Variants in ANKRD11 observed in about 807,000 individuals in gnomAD.
ANKRD11 encodes the protein ankyrin repeat domain-containing protein 11.
A neutral mutation model predicts 195.7 loss-of-function variants in ANKRD11; 17 were observed. The observed-to-expected ratio is 0.09, with a 90% confidence interval of 0.06 to 0.13. The LOEUF (loss-of-function observed/expected upper bound fraction) is 0.13. Among genes scored for constraint, ANKRD11 ranks in the 10% least tolerant of loss-of-function variants. ANKRD11 has a pLI of 1.00. For synonymous variants in ANKRD11, 1,953 were observed against 1,528.1 expected, an observed-to-expected ratio of 1.28 and a Z score of -6.49; for missense variants, 3,735 against 3,566.1, an observed-to-expected ratio of 1.05 and a Z score of -1.21.
At chr16:89,488,449 CCT>C (rs1491501539) in intron 1 of ANKRD11, among the ~76,000 whole-genome samples, 8 of 151,732 alleles carry the variant, frequency 5.3e-5, no homozygotes, top group Middle Eastern at 3.4e-3. Context: ...CGCCCCCCCC[CCT>C]TTTTTTCTAG....
Position 89,291,402 on chromosome 16 carries a change from G to A in ANKRD11, c.227-219C>T, listed in dbSNP as rs182355528. On this transcript the variant is annotated intron_variant, in intron 4 of 12. Transcript: ENST00000301030. This position sits in a 1 kb window ranked among gnomAD's most constrained non-coding sequence, Gnocchi z 5.3. Reference sequence around the variant, plus strand: ...GACTGTGAGACCATTTAAACACCTCGTTACCAGCCCCTCAAGTCTGCTAAG... The same window carrying A: ...GACTGTGAGACCATTTAAACACCTCATTACCAGCCCCTCAAGTCTGCTAAG... 6.6e-4 allele frequency among the ~76,000 whole-genome samples: 99 copies of A among 150,836 alleles called. No homozygotes were observed. The highest frequency in any genetic ancestry group is 2.1e-3 in the African/African-American group (86 of 41,394).
intron 1 of ANKRD11, among the ~76,000 whole-genome samples, chr16:89,475,093 A>C (rs1382471525): frequency 6.6e-6 from 1 of 152,186 alleles, no homozygotes; most frequent in Non-Finnish European, 1.5e-5. Context: ...TCTGTTGTTC[A>C]GTCAGTAATT....
In ANKRD11 at chr16:89,281,958, G is replaced by A. The variant is rs138049736; in HGVS notation, c.4584C>T (p.Ala1528=). ...SRDEGPRLGD[A]KLKEKFKDGA... ...CGTCCTTGAATTTCTCCTTCAGTTT[G>A]GCATCGCCGAGCCTCGGGCCCTCGT... is the stretch of plus-strand genomic sequence containing the variant. The change falls in exon 9 of 13, where the codon GCC becomes GCT. Residue 1528 remains alanine (A), a synonymous_variant. Transcript: ENST00000301030. This position sits in a 1 kb window ranked among gnomAD's most constrained non-coding sequence, Gnocchi z 5.5. 2 of 1,612,736 alleles carry A rather than the reference G, an allele frequency of 1.2e-6. No homozygotes were observed. Among genetic ancestry groups the A allele is most frequent in the Non-Finnish European group, 8.5e-7 (1 of 1,180,026 alleles).
At chr16:89,470,006 C>T (rs1187770126) in intron 1 of ANKRD11, among the ~76,000 whole-genome samples, 5 of 151,492 alleles carry the variant, frequency 3.3e-5, no homozygotes, top group Admixed American at 6.6e-5. Flanking sequence ...CCCGGGTTCA[C>T]GCCACTCTCC....
intron 1 of ANKRD11, among the ~76,000 whole-genome samples, chr16:89,426,833 T>C (rs2042737526): frequency 6.6e-6 from 1 of 152,228 alleles, no homozygotes; most frequent in African/African-American, 2.4e-5. Context: ...AAGCGGCTGT[T>C]TCACTTCAGT....
At chr16:89,353,286 G>A (rs2039306995) in intron 2 of ANKRD11, among the ~76,000 whole-genome samples, 1 of 151,694 alleles carries the variant, frequency 6.6e-6, no homozygotes, top group Non-Finnish European at 1.5e-5. Flanking sequence ...AGGTTGCAGT[G>A]AGCCAAGATG....
intron 1 of ANKRD11, among the ~76,000 whole-genome samples, chr16:89,472,247 T>A (rs1022211979): frequency 6.6e-6 from 1 of 152,220 alleles, no homozygotes; most frequent in African/African-American, 2.4e-5. Flanking sequence ...CAAATGGGGA[T>A]GCTGACTTTG....
At chr16:89,303,617 C>T (rs1269500243) in intron 4 of ANKRD11, among the ~76,000 whole-genome samples, 1 of 152,186 alleles carries the variant, frequency 6.6e-6, no homozygotes, top group East Asian at 1.9e-4. Context: ...CCTGGCACTG[C>T]ACCTGCCCCT....
chr16:89,394,402 G>A (rs1267054888), intron 2 of ANKRD11, among the ~76,000 whole-genome samples: 1 of 152,238 alleles, frequency 6.6e-6, no homozygotes, highest in East Asian at 1.9e-4. Context: ...GCCAAGGCGG[G>A]CAGATCACCT....
At chr16:89,411,449 G>A (rs746705571) in intron 2 of ANKRD11, among the ~76,000 whole-genome samples, 186 of 152,248 alleles carry the variant, frequency 1.2e-3, no homozygotes, top group Non-Finnish European at 6.3e-4. Context: ...TAATCCTTCT[G>A]TCACCTAGAG....
At chr16:89,420,003 A>T (rs1288274511) in intron 1 of ANKRD11, 1 of 152,290 alleles carries the variant, frequency 6.6e-6, no homozygotes, top group African/African-American at 2.4e-5. Flanking sequence ...GCGAGTCCCC[A>T]TCTCTACAAA....
At position 89,290,430 on chromosome 16, in the gene ANKRD11, G is replaced by C. The variant is rs560169801; in HGVS notation, c.601+195C>G. Among the ~76,000 whole-genome samples, 42 of 90,308 alleles carry C rather than the reference G, an allele frequency of 4.7e-4. 1 individual carries two copies. The highest frequency in any genetic ancestry group is 1.7e-3 in the African/African-American group (41 of 23,440). 59.2% of individuals were successfully genotyped at this position (90,308 alleles called of 152,430 possible). Reference sequence around the variant, plus strand: ...TTGGGGGAGGCTCAGGGCTCCAATGGGGGGAGGCTCAGGGCTCCAATGGGG... The same window carrying C: ...TTGGGGGAGGCTCAGGGCTCCAATGCGGGGAGGCTCAGGGCTCCAATGGGG... On this transcript the variant is annotated intron_variant, in intron 6 of 12. Transcript: ENST00000301030.
At chr16:89,382,686 C>T (rs1387041563) in intron 2 of ANKRD11, among the ~76,000 whole-genome samples, 1 of 151,874 alleles carries the variant, frequency 6.6e-6, no homozygotes, top group Admixed American at 6.6e-5. Flanking sequence ...CACTATGTTG[C>T]CCAGGTTGGT....
chr16:89,467,147 T>TCA (rs2152343417), intron 1 of ANKRD11, among the ~76,000 whole-genome samples: 1 of 152,160 alleles, frequency 6.6e-6, no homozygotes, highest in Admixed American at 6.5e-5. Context: ...CAAGCTGCAA[T>TCA]CAGGCCAGGA....
At chr16:89,411,679 G>A (rs1022051380) in intron 2 of ANKRD11, among the ~76,000 whole-genome samples, 13 of 151,916 alleles carry the variant, frequency 8.6e-5, no homozygotes, top group African/African-American at 3.1e-4. Context: ...CTCCCAGAGT[G>A]CTGGGATTAC....
intron 1 of ANKRD11, among the ~76,000 whole-genome samples, chr16:89,451,932 T>C (rs1484046612): frequency 6.6e-6 from 1 of 152,172 alleles, no homozygotes; most frequent in Non-Finnish European, 1.5e-5. Context: ...AAAACATGTG[T>C]CTAGACGTTC....
intron 1 of ANKRD11, among the ~76,000 whole-genome samples, chr16:89,425,027 G>C (rs1238121062): frequency 6.6e-6 from 1 of 151,428 alleles, no homozygotes; most frequent in Non-Finnish European, 1.5e-5. Flanking sequence ...ACTGGCCGAA[G>C]TGTACAAAGG....
At chr16:89,271,154 C>T (rs768067644) in intron 11 of ANKRD11, 9 of 558,110 alleles carry the variant, frequency 1.6e-5, no homozygotes, top group Middle Eastern at 4.9e-4. Flanking sequence ...ACCGGGTGCC[C>T]GCAGGCCCCA....
chr16:89,455,104 C>T (rs1348731331), intron 1 of ANKRD11, among the ~76,000 whole-genome samples: 1 of 100,888 alleles, frequency 9.9e-6, no homozygotes. Flanking sequence ...CAAGCTGCTC[C>T]CCTGGGTGCT....
Sources: allele counts gnomAD v4.1 joint callset (sites outside exome capture counted in the v4.1 genomes callset), GRCh38; gene constraint gnomAD v4.1.1; non-coding constraint Gnocchi (gnomAD v3.1); transcripts MANE v1.5; gene names NCBI Gene and HGNC (gene_info 2026-07-23, HGNC 2026-07-21).